The following NRXN3 variants were observed in gnomAD, a reference collection of about 807,000 sequenced individuals.
NRXN3 encodes the protein neurexin 3.
A neutral mutation model predicts 137.6 loss-of-function variants in NRXN3; 32 were observed. The ratio of observed to expected loss-of-function variants is 0.23; its 90% CI spans 0.18 to 0.31. NRXN3 has a LOEUF of 0.31. Among genes scored for constraint, NRXN3 ranks in the 10% least tolerant of loss-of-function variants. NRXN3 has a pLI of 1.00. For synonymous variants in NRXN3, 798 were observed against 784.5 expected (o/e 1.02, Z -0.29); for missense variants, 1,574 against 2,062.5 (o/e 0.76, Z 4.59).
At chr14:79,081,615 CA>C (rs34854400) in intron 15 of NRXN3, among the ~76,000 whole-genome samples, 86,524 of 110,322 alleles carry the variant, frequency 0.78, 33,887 homozygotes, top group Non-Finnish European at 0.88. Flanking sequence ...GACTTTATCT[CA>C]AAAAAAAAAA....
At chr14:79,200,486 G>A (rs1239654437) in intron 15 of NRXN3, among the ~76,000 whole-genome samples, 1 of 152,102 alleles carries the variant, frequency 6.6e-6, no homozygotes, top group Non-Finnish European at 1.5e-5. Flanking sequence ...GGCCTTGAAG[G>A]CCAGCTGCGT....
At chr14:78,556,683 A>G (rs899748215) in intron 4 of NRXN3, among the ~76,000 whole-genome samples, 4 of 152,134 alleles carry the variant, frequency 2.6e-5, no homozygotes, top group African/African-American at 9.7e-5. Context: ...GTGTATAAAT[A>G]GCATTTATGA....
intron 19 of NRXN3, among the ~76,000 whole-genome samples, chr14:79,759,655 CTG>C (rs1252074113): frequency 2.0e-5 from 3 of 151,610 alleles, no homozygotes; most frequent in African/African-American, 7.3e-5. Context: ...ATAATTTAAA[CTG>C]TTACTTCAAA....
intron 19 of NRXN3, among the ~76,000 whole-genome samples, chr14:79,722,375 A>G (rs1244639496): frequency 6.6e-6 from 1 of 152,126 alleles, no homozygotes; most frequent in African/African-American, 2.4e-5. Flanking sequence ...AAAATCGAAT[A>G]TCCTTAGGAT....
intron 4 of NRXN3, among the ~76,000 whole-genome samples, chr14:78,340,008 A>G (rs542262588): frequency 2.0e-3 from 308 of 152,350 alleles, no homozygotes; most frequent in Middle Eastern, 0.01. Context: ...GCTGAAATTC[A>G]TGGAGGCAAG....
At chr14:78,720,042 C>A (rs777527700) in intron 8 of NRXN3, among the ~76,000 whole-genome samples, 37 of 152,004 alleles carry the variant, frequency 2.4e-4, no homozygotes, top group Non-Finnish European at 3.7e-4. Flanking sequence ...TTACATTGAG[C>A]AGCCTTTCCT....
In NRXN3 at chr14:79,861,927, A is replaced by G. The variant is rs2099414495; in HGVS notation, c.4679A>G (p.Lys1560Arg). 1.9e-6 allele frequency: 3 copies of G among 1,613,800 alleles called. No individual in the cohort carries two copies. Among genetic ancestry groups the G allele is most frequent in the African/African-American group, 2.7e-5 (2 of 75,034 alleles). ...CAGCAGAGCTCGAAGAGCGGCCACA[A>G]GAAACAGAAAAACAAGGACAGGGAG... The part of the protein sequence containing the change: ...EKQQSSKSGH[K>R]KQKNKDREYY... Residue 1560 changes from lysine (K) to arginine (R), a missense_variant, in exon 21 of 21, where the codon AAG becomes AGG. By Grantham distance (26) the Lys-to-Arg change is conservative (BLOSUM62 2). Around this residue, in one of 5 missense-constraint regions of NRXN3, gnomAD observed 320 missense variants for 387.1 expected, o/e 0.83. Transcript: ENST00000335750. The surrounding 1 kb of genome is among the most constrained non-coding windows in gnomAD (Gnocchi z 5.4).
At chr14:79,037,746 TAA>T (rs57500525) in intron 15 of NRXN3, among the ~76,000 whole-genome samples, 57,776 of 151,742 alleles carry the variant, frequency 0.38, 11,497 homozygotes, top group Admixed American at 0.49. Flanking sequence ...CCAGTGGGCG[TAA>T]ATTCAGTCCG....
rs527620475 is a variant in NRXN3 at position 79,868,248 on chromosome 14, C to T, written c.*6284C>T. 1.1e-3 allele frequency: 165 copies of T among 152,234 alleles called. No individual in the cohort carries two copies. The highest frequency in any genetic ancestry group is 3.5e-3 in the African/African-American group (145 of 41,534). 9.4% of individuals were successfully genotyped at this position (152,234 alleles called of 1,614,324 possible). A position where few individuals can be genotyped will look rare whatever the true frequency, so the allele number is the denominator to read the frequency against. On this transcript the variant is annotated 3_prime_UTR_variant, in exon 21 of 21. Transcript: ENST00000335750. ...ATTAGCTGCTATATGCATGACTAAC[C>T]AGGACCAAAAAGTTAATAAAAATAC... is the stretch of plus-strand genomic sequence containing the variant.
intron 6 of NRXN3, among the ~76,000 whole-genome samples, chr14:78,700,903 C>T (rs758932933): frequency 1.3e-5 from 2 of 152,082 alleles, no homozygotes; most frequent in African/African-American, 4.8e-5. Flanking sequence ...TCCCGAGTAG[C>T]TGGGATTACA....
At chr14:78,225,839 C>T (rs2064481816) in intron 1 of NRXN3, among the ~76,000 whole-genome samples, 1 of 152,156 alleles carries the variant, frequency 6.6e-6, no homozygotes. Context: ...TCTATCACCT[C>T]CCCTTATGGT....
At chr14:79,687,208 G>C (rs1484579906) in intron 17 of NRXN3, among the ~76,000 whole-genome samples, 1 of 152,170 alleles carries the variant, frequency 6.6e-6, no homozygotes, top group African/African-American at 2.4e-5. Flanking sequence ...CAAGATATTA[G>C]TTTTTTGCTG....
At chr14:79,485,350 C>G (rs1248977249) in intron 16 of NRXN3, among the ~76,000 whole-genome samples, 1 of 152,154 alleles carries the variant, frequency 6.6e-6, no homozygotes, top group Non-Finnish European at 1.5e-5. Flanking sequence ...CCCACCACCC[C>G]CCAACTCCTG....
chr14:78,610,359 A>T (rs1404439134), intron 4 of NRXN3, among the ~76,000 whole-genome samples: 1 of 152,198 alleles, frequency 6.6e-6, no homozygotes, highest in Non-Finnish European at 1.5e-5. Flanking sequence ...CTGTTGAAAA[A>T]TCCTAAGATC....
intron 4 of NRXN3, among the ~76,000 whole-genome samples, chr14:78,444,572 C>G (rs977263093): frequency 1.3e-5 from 2 of 152,114 alleles, no homozygotes; most frequent in African/African-American, 4.8e-5. Flanking sequence ...ATGCAGGACC[C>G]AAGGTGTTTC....
intron 4 of NRXN3, among the ~76,000 whole-genome samples, chr14:78,637,705 A>G (rs1006483872): frequency 1.3e-5 from 2 of 152,244 alleles, no homozygotes; most frequent in African/African-American, 4.8e-5. Flanking sequence ...ACAGTTCATA[A>G]TGTAAGTCCA....
At chr14:79,357,329 T>G (rs2093460580) in intron 15 of NRXN3, among the ~76,000 whole-genome samples, 1 of 152,308 alleles carries the variant, frequency 6.6e-6, no homozygotes, top group African/African-American at 2.4e-5. Flanking sequence ...TATTATAAAC[T>G]TCTTTTTTAA....
Position 79,264,560 on chromosome 14 carries a change from G to A in NRXN3, c.3263-202661G>A, listed in dbSNP as rs78359395. 3.1e-3 allele frequency among the ~76,000 whole-genome samples: 466 copies of A among 151,172 alleles called. 5 individuals carry two copies. The highest frequency in any genetic ancestry group is 0.01 in the African/African-American group (423 of 41,176). On this transcript the variant is annotated intron_variant, in intron 15 of 20. Transcript: ENST00000335750. ...TGTGTGTGTGTGTGTGTGTGTGTGC[G>A]CGCGTGCATGTATGTCCCCAAACTC...
chr14:79,776,078 G>A (rs146458230), intron 19 of NRXN3, among the ~76,000 whole-genome samples: 85 of 152,268 alleles, frequency 5.6e-4, no homozygotes, highest in African/African-American at 1.9e-3. Flanking sequence ...TGGGAGTATG[G>A]CAGACAAACG....
Sources: gnomAD v4.1 joint callset for allele counts (sites outside exome capture counted in the v4.1 genomes callset) on GRCh38, gnomAD v4.1.1 for gene constraint, gnomAD v4.1.1 regional missense constraint, Gnocchi (gnomAD v3.1) non-coding constraint, MANE v1.5 for transcripts, NCBI Gene and HGNC (gene_info 2026-07-23, HGNC 2026-07-21) for gene names.